The following CSMD2 variants were observed in gnomAD, a reference collection of about 807,000 sequenced individuals.
CSMD2 encodes the protein CUB and Sushi multiple domains 2.
A neutral mutation model predicts 398.5 loss-of-function variants in CSMD2; 130 were observed. The ratio of observed to expected loss-of-function variants is 0.33; its 90% CI spans 0.28 to 0.38. The LOEUF (loss-of-function observed/expected upper bound fraction) is 0.38. CSMD2 is among the 10% of genes least tolerant of loss of function. CSMD2 has a pLI of 1.00. For missense variants in CSMD2, 3,829 were observed against 4,764.9 expected (o/e 0.80, Z 5.78); for synonymous variants, 1,828 against 1,908.5 (o/e 0.96, Z 1.10).
At chr1:34,010,575 C>T (rs551525192) in intron 3 of CSMD2, among the ~76,000 whole-genome samples, 4 of 151,690 alleles carry the variant, frequency 2.6e-5, no homozygotes, top group South Asian at 2.1e-4. Flanking sequence ...CCAGGTTGAT[C>T]GTCAGCAGGG....
At chr1:33,554,239 G>A (rs1657749300) in intron 55 of CSMD2, among the ~76,000 whole-genome samples, 1 of 138,784 alleles carries the variant, frequency 7.2e-6, no homozygotes, top group Non-Finnish European at 1.5e-5. Context: ...TCACCAGGCT[G>A]GAGTACAGTG....
In CSMD2 at chr1:33,600,898, C is replaced by G; in HGVS notation, c.6823G>C (p.Ala2275Pro). The change falls in exon 44 of 71, where the codon GCC (alanine) becomes CCC (proline). Residue 2275 changes from alanine to proline, a missense_variant. Ala to Pro is a conservative substitution (Grantham distance 27). Coordinates refer to ENST00000373381, the MANE Select transcript of CSMD2 (RefSeq NM_001281956.2). ...GCTATGGCGAAGATCCCCCCTGTGG[C>G]TGCATCACGGTGGAACTTGAGCAGG... is the stretch of plus-strand genomic sequence containing the variant. ...QVLLKFHRDA[A>P]TGGIFAIAFS... is the part of the protein sequence containing the mutation. 6.2e-7 allele frequency: 1 copy of G among 1,614,148 alleles called. No homozygotes were observed. The highest frequency in any genetic ancestry group is 8.5e-7 in the Non-Finnish European group (1 of 1,180,020).
intron 21 of CSMD2, 173 bp from the exon 22 acceptor site, chr1:33,709,431 TAA>T: frequency 3.9e-6 from 2 of 506,982 alleles, no homozygotes; most frequent in Non-Finnish European, 6.9e-6. Flanking sequence ...CTCTCAAACT[TAA>T]AAAAAAAATA....
At chr1:33,869,715 A>G (rs1010374332) in intron 5 of CSMD2, among the ~76,000 whole-genome samples, 2 of 152,202 alleles carry the variant, frequency 1.3e-5, no homozygotes, top group Non-Finnish European at 2.9e-5. Flanking sequence ...CACTCTGCGT[A>G]GGAGGCATGG....
rs189071053 is a variant in CSMD2 at position 33,643,284 on chromosome 1, G to A, written c.4774+3364C>T. ...CTGGCAAAGCATATGGGACACATAC[G>A]TCTATCACAAATATTCATGTTATAA... is the stretch of plus-strand genomic sequence containing the variant. On this transcript the variant is annotated intron_variant, in intron 29 of 70. Coordinates refer to ENST00000373381, the MANE Select transcript of CSMD2 (RefSeq NM_001281956.2). Among the ~76,000 whole-genome samples the A allele has an allele frequency of 2.0e-3, 298 of 152,268 alleles. 6 individuals are homozygous for A. The highest frequency in any genetic ancestry group is 0.018 in the Admixed American group (268 of 15,298).
chr1:33,832,413 C>T (rs1311100371), intron 6 of CSMD2, among the ~76,000 whole-genome samples: 1 of 139,162 alleles, frequency 7.2e-6, no homozygotes, highest in African/African-American at 2.8e-5. Context: ...GGGTACATAA[C>T]GAACTGAAGG....
intron 1 of CSMD2, among the ~76,000 whole-genome samples, chr1:34,103,866 G>A (rs1571133649): frequency 6.6e-6 from 1 of 152,142 alleles, no homozygotes; most frequent in African/African-American, 2.4e-5. Context: ...TGGCTTAGTG[G>A]AAAGGTTAAA....
chr1:33,943,610 C>T (rs1201761338), intron 3 of CSMD2, among the ~76,000 whole-genome samples: 2 of 152,200 alleles, frequency 1.3e-5, no homozygotes, highest in Non-Finnish European at 2.9e-5. Flanking sequence ...TGGACCCCAT[C>T]TAAGGAGTTA....
intron 19 of CSMD2, among the ~76,000 whole-genome samples, chr1:33,719,855 A>C (rs1646299218): frequency 6.6e-6 from 1 of 152,192 alleles, no homozygotes; most frequent in Non-Finnish European, 1.5e-5. Context: ...AGTGGCTGGC[A>C]CACAGTAGGG....
chr1:33,737,752 T>C (rs923464990), intron 15 of CSMD2, among the ~76,000 whole-genome samples: 2 of 152,176 alleles, frequency 1.3e-5, no homozygotes, highest in African/African-American at 4.8e-5. Context: ...CAACCAGTAT[T>C]GATTGAGCAT....
chr1:34,129,506 G>C (rs1663104339), intron 1 of CSMD2, among the ~76,000 whole-genome samples: 1 of 152,114 alleles, frequency 6.6e-6, no homozygotes, highest in African/African-American at 2.4e-5. Flanking sequence ...AAAAAAATTA[G>C]CCGGGCATGG....
At position 33,917,872 on chromosome 1, in the gene CSMD2, A is replaced by G. The variant is rs1480929386; in HGVS notation, c.920+222T>C. On this transcript the variant is annotated intron_variant, in intron 5 of 70. Coordinates refer to ENST00000373381, the MANE Select transcript of CSMD2 (RefSeq NM_001281956.2). ...CATCATAAAAATCTTCAGCAAGAACATGTTTCAAATCAGATATCAAAATCA... is the reference window on the plus strand; with the variant it reads ...CATCATAAAAATCTTCAGCAAGAACGTGTTTCAAATCAGATATCAAAATCA... Among the ~76,000 whole-genome samples, 2 of 152,230 alleles carry G rather than the reference A, an allele frequency of 1.3e-5. 1 individual carries two copies. Among genetic ancestry groups the G allele is most frequent in the South Asian group, 4.1e-4 (2 of 4,832 alleles).
chr1:33,515,136 G>A lies in CSMD2; in HGVS notation c.*1488C>T, dbSNP rs1328433790. ...AACAATTCTCATGGAATTCATGAAC[G>A]ACCCAAGCATGATATAGCTGTCAAA... On this transcript the variant is annotated 3_prime_UTR_variant, in exon 71 of 71. Transcript: ENST00000373381. 2 of 152,136 alleles carry A rather than the reference G, an allele frequency of 1.3e-5. No individual in the cohort carries two copies. Among genetic ancestry groups the A allele is most frequent in the African/African-American group, 2.4e-5 (1 of 41,418 alleles). The allele number at this position is 152,136 out of a possible 1,614,324, so 9.4% of individuals were successfully genotyped here. A position where few individuals can be genotyped will look rare whatever the true frequency, so the allele number is the denominator to read the frequency against.
At position 33,652,353 on chromosome 1, in the gene CSMD2, G is replaced by A; in HGVS notation, c.4556C>T (p.Pro1519Leu). 1.9e-6 allele frequency: 3 copies of A among 1,614,144 alleles called. No homozygotes were observed. The highest frequency in any genetic ancestry group is 2.5e-6 in the Non-Finnish European group (3 of 1,180,018). The change falls in exon 28 of 71, where the codon CCA (proline) becomes CTA (leucine). Residue 1519 changes from proline to leucine, a missense_variant. Physicochemically the swap from Pro to Leu is moderately conservative, Grantham distance 98. Around this residue, in one of 5 missense-constraint regions of CSMD2, gnomAD observed 2,001 missense variants for 2,567.1 expected, o/e 0.78. Coordinates refer to ENST00000373381, the MANE Select transcript of CSMD2 (RefSeq NM_001281956.2). ...KECDWKVTVS[P>L]DYVIALVFNI... ...AAATACCAGGGCGATGACGTAGTCT[G>A]GTGAGACGGTCACTTTCCAGTCACA... is the stretch of plus-strand genomic sequence containing the variant.
intron 13 of CSMD2, among the ~76,000 whole-genome samples, chr1:33,757,058 C>CA (rs1649131693): frequency 6.8e-6 from 1 of 146,424 alleles, no homozygotes; most frequent in African/African-American, 2.5e-5. Context: ...ATCACAAGGA[C>CA]AAAAAACCAA....
intron 6 of CSMD2, among the ~76,000 whole-genome samples, chr1:33,827,496 G>A (rs10914787): frequency 0.42 from 63,401 of 151,970 alleles, 14,200 homozygotes; most frequent in East Asian, 0.62. Context: ...TTTCTTCACT[G>A]AGGCCTTCCC....
At chr1:33,758,795 C>T (rs1227091170) in intron 13 of CSMD2, among the ~76,000 whole-genome samples, 2 of 152,182 alleles carry the variant, frequency 1.3e-5, no homozygotes, top group African/African-American at 4.8e-5. Context: ...GTAGGCATTT[C>T]CAAGCAGAGG....
intron 1 of CSMD2, among the ~76,000 whole-genome samples, chr1:34,098,844 A>T (rs1005395931): frequency 7.9e-5 from 12 of 152,178 alleles, no homozygotes; most frequent in Non-Finnish European, 1.6e-4. Context: ...TAATTATCTG[A>T]CCGTGATTTT....
At position 33,686,111 on chromosome 1, in the gene CSMD2, G is replaced by T. The variant is rs541161704; in HGVS notation, c.4052+6819C>A. The stretch of plus-strand genomic sequence containing the variant: ...TGATCTCATCTATAAAATGGGGACA[G>T]TAATAACTGATTCAGAACCTGGTGT... On this transcript the variant is annotated intron_variant, in intron 25 of 70. Transcript: ENST00000373381. 6.2e-4 allele frequency among the ~76,000 whole-genome samples: 94 copies of T among 152,316 alleles called. 1 individual carries two copies. The highest frequency in any genetic ancestry group is 6.8e-3 in the Middle Eastern group (2 of 294).
Sources: gnomAD v4.1 joint callset for allele counts (sites outside exome capture counted in the v4.1 genomes callset) on GRCh38, gnomAD v4.1.1 for gene constraint, gnomAD v4.1.1 regional missense constraint, MANE v1.5 for transcripts, NCBI Gene and HGNC (gene_info 2026-07-23, HGNC 2026-07-21) for gene names.